ARHGEF10: variants seen among roughly 807,000 people sequenced by gnomAD.
ARHGEF10 encodes Rho guanine nucleotide exchange factor (GEF) 10.
In ARHGEF10, 140 loss-of-function variants were observed where a neutral mutation model predicts 147.4. That is an observed-to-expected ratio of 0.95 (90% CI 0.83 to 1.09). The LOEUF (loss-of-function observed/expected upper bound fraction) is 1.09, where lower values mean the gene tolerates loss of function less well. Ranked by LOEUF, ARHGEF10 falls within the 50% of genes least tolerant of loss-of-function variation. The pLI is 0.00. For synonymous variants in ARHGEF10, 902 were observed against 695.8 expected (o/e 1.30, Z -4.67); for missense variants, 2,222 against 1,752.7 (o/e 1.27, Z -4.78).
At chr8:1,866,835 TG>T (rs1184246824) in intron 6 of ARHGEF10, among the ~76,000 whole-genome samples, 1 of 152,234 alleles carries the variant, frequency 6.6e-6, no homozygotes, top group Non-Finnish European at 1.5e-5. Flanking sequence ...TCACTCTTCC[TG>T]GTCGTTTCTT....
At chr8:1,944,146 G>C (rs570436246) in intron 26 of ARHGEF10, among the ~76,000 whole-genome samples, 7 of 149,798 alleles carry the variant, frequency 4.7e-5, no homozygotes, top group Admixed American at 4.6e-4. Flanking sequence ...CTCCCGCATC[G>C]TGTCGCCTCC....
Position 1,933,965 on chromosome 8 carries a change from C to T in ARHGEF10, c.3222+23C>T, listed in dbSNP as rs779788967. 47 of 1,613,948 alleles carry T rather than the reference C, an allele frequency of 2.9e-5. No homozygotes were observed. The East Asian group carries it at 7.6e-4, about 26-fold the overall frequency. ...GAGGTAAGTCACTTAGGTGGCTACA[C>T]GGTGTGGAAAAAATGCATTTCAGAA... On this transcript the variant is annotated intron_variant, in intron 26 of 28. Transcript: ENST00000349830.
intron 1 of ARHGEF10, among the ~76,000 whole-genome samples, chr8:1,835,604 G>A (rs1766641431): frequency 6.6e-6 from 1 of 152,208 alleles, no homozygotes; most frequent in Admixed American, 6.5e-5. Flanking sequence ...ACGTCCCTGG[G>A]TCTTCGGCCA....
chr8:1,828,245 C>T (rs910238670), intron 1 of ARHGEF10, among the ~76,000 whole-genome samples: 7 of 152,218 alleles, frequency 4.6e-5, no homozygotes, highest in African/African-American at 1.7e-4. Flanking sequence ...GGCTTGTTGT[C>T]CAGCTGTGGG....
At chr8:1,952,212 G>T (rs1055867006) in intron 27 of ARHGEF10, among the ~76,000 whole-genome samples, 2 of 152,218 alleles carry the variant, frequency 1.3e-5, no homozygotes, top group South Asian at 2.1e-4. Flanking sequence ...AGGCCGTTCA[G>T]TTCCCCTCTA....
chr8:1,840,600 G>A (rs1029394295), intron 1 of ARHGEF10, among the ~76,000 whole-genome samples: 11 of 150,746 alleles, frequency 7.3e-5, no homozygotes, highest in African/African-American at 2.7e-4. Flanking sequence ...CCGATATGGG[G>A]ACTGTCTGAT....
At chr8:1,912,695 A>C (rs888727195) in intron 18 of ARHGEF10, among the ~76,000 whole-genome samples, 1 of 152,130 alleles carries the variant, frequency 6.6e-6, no homozygotes, top group Non-Finnish European at 1.5e-5. Context: ...CCCCTGGTCC[A>C]TGGATTGGTT....
chr8:1,869,543 A>G, intron 7 of ARHGEF10: 1 of 539,250 alleles, frequency 1.9e-6, no homozygotes, highest in East Asian at 3.4e-5. Context: ...GCTGAGAAGC[A>G]GCAATGTATA....
chr8:1,877,047 C>T (rs969906394), intron 8 of ARHGEF10, among the ~76,000 whole-genome samples: 3 of 152,214 alleles, frequency 2.0e-5, no homozygotes, highest in Non-Finnish European at 4.4e-5. Flanking sequence ...GTGCTTTGCA[C>T]GTAGCACCGT....
intron 18 of ARHGEF10, among the ~76,000 whole-genome samples, chr8:1,921,525 C>T (rs553807482): frequency 1.3e-5 from 2 of 152,212 alleles, no homozygotes; most frequent in Admixed American, 6.5e-5. Flanking sequence ...GTCAGGAGTT[C>T]GAGACCAGCC....
intron 26 of ARHGEF10, among the ~76,000 whole-genome samples, 157 bp downstream of exon 26, chr8:1,934,099 C>G (rs1813374677): frequency 6.6e-6 from 1 of 152,134 alleles, no homozygotes; most frequent in Non-Finnish European, 1.5e-5. Flanking sequence ...CTCTGGGAGG[C>G]CAAGGTTGGA....
At chr8:1,870,669 T>C (rs1464012270) in intron 7 of ARHGEF10, 1 of 152,186 alleles carries the variant, frequency 6.6e-6, no homozygotes, top group Non-Finnish European at 1.5e-5. Context: ...GGAAGATATA[T>C]AACAGTTCTA....
intron 3 of ARHGEF10, 86 bp from the exon 4 acceptor site, chr8:1,859,811 A>T: frequency 1.3e-6 from 2 of 1,520,138 alleles, no homozygotes; most frequent in Non-Finnish European, 1.8e-6. Context: ...GGGAGCTCAT[A>T]CCTGCTTCCC....
chr8:1,890,307 A>ATGGGGTGAGGGTTGTGAGCAGATACTGAG (rs1563241396), intron 11 of ARHGEF10, among the ~76,000 whole-genome samples: 2 of 141,574 alleles, frequency 1.4e-5, no homozygotes, highest in Non-Finnish European at 3.0e-5. Flanking sequence ...GGAGACACTG[A>ATGGGGTGAGGGTTGTGAGCAGATACTGAG]TGGGGTGAGG....
chr8:1,924,287 G>C (rs530841368), intron 21 of ARHGEF10, among the ~76,000 whole-genome samples: 2 of 152,224 alleles, frequency 1.3e-5, no homozygotes, highest in East Asian at 3.9e-4. Flanking sequence ...GGGCTGGGCT[G>C]GGGGGTTACT....
At chr8:1,865,426 C>T (rs1379536289) in intron 5 of ARHGEF10, among the ~76,000 whole-genome samples, 1 of 151,946 alleles carries the variant, frequency 6.6e-6, no homozygotes, top group Non-Finnish European at 1.5e-5. Flanking sequence ...GGGCATCCCC[C>T]AGCACCCAGG....
chr8:1,852,550 A>G (rs372265468), intron 2 of ARHGEF10, among the ~76,000 whole-genome samples: 18 of 141,830 alleles, frequency 1.3e-4, no homozygotes, highest in South Asian at 2.4e-4. Flanking sequence ...TCCTGGAGAG[A>G]ACCCGGGAGC....
At position 1,891,100 on chromosome 8, in the gene ARHGEF10, T is replaced by C. The variant is rs74389942; in HGVS notation, c.1183-2469T>C. Among the ~76,000 whole-genome samples the C allele has an allele frequency of 2.8e-3, 424 of 152,332 alleles. 10 individuals are homozygous for C. In the East Asian group the frequency reaches 0.061, roughly 22 times the overall value. On this transcript the variant is annotated intron_variant, in intron 11 of 28. Coordinates refer to ENST00000349830, the MANE Select transcript of ARHGEF10 (RefSeq NM_014629.4). ...CGTAATGGTTCAGTGAAGTCCTGTATAGCAAGGTCTCTGTGTTGTGTTAGC... is the reference window on the plus strand; with the variant it reads ...CGTAATGGTTCAGTGAAGTCCTGTACAGCAAGGTCTCTGTGTTGTGTTAGC...
At chr8:1,914,237 C>G (rs371968878) in intron 18 of ARHGEF10, among the ~76,000 whole-genome samples, 1 of 152,336 alleles carries the variant, frequency 6.6e-6, no homozygotes, top group African/African-American at 2.4e-5. Context: ...ATTTTTAAAA[C>G]GTGAAACGGT....
Sources: gnomAD v4.1 joint callset for allele counts (sites outside exome capture counted in the v4.1 genomes callset) on GRCh38, gnomAD v4.1.1 for gene constraint, MANE v1.5 for transcripts, NCBI Gene and HGNC (gene_info 2026-07-23, HGNC 2026-07-21) for gene names.